Variants in PAX3 observed in about 807,000 individuals in gnomAD.
PAX3 encodes paired box 3.
PAX3 carries 14 observed loss-of-function variants against 51.6 expected under a neutral mutation model. The ratio of observed to expected loss-of-function variants is 0.27; its 90% CI spans 0.18 to 0.42. PAX3 has a LOEUF of 0.42. Ranked by LOEUF, PAX3 falls within the 10% of genes least tolerant of loss-of-function variation. The pLI is 1.00. For synonymous variants in PAX3, 280 were observed against 253.4 expected (o/e 1.11, Z -1.00); for missense variants, 540 against 642.8 (o/e 0.84, Z 1.73).
chr2:222,267,248 T>C (rs1261251894), intron 4 of PAX3, among the ~76,000 whole-genome samples: 2 of 152,162 alleles, frequency 1.3e-5, no homozygotes, highest in Non-Finnish European at 2.9e-5. Flanking sequence ...CAAAAGTTGA[T>C]GAAAATCTGC....
rs16863654 is a variant in PAX3, at chr2:222,289,568, C to T, written c.586+4599G>A. 5.2e-3 allele frequency among the ~76,000 whole-genome samples: 787 copies of T among 152,160 alleles called. 6 individuals are homozygous for T. The highest frequency in any genetic ancestry group is 0.018 in the African/African-American group (750 of 41,498). On this transcript the variant is annotated intron_variant, in intron 4 of 8. Coordinates refer to ENST00000392070, the MANE Select transcript of PAX3 (RefSeq NM_181458.4). Reference sequence around the variant, plus strand: ...AGTAGAAGCCCCTACGTCCTGGTTCCGGTGCTATCAACAATCAAATCAAAC... The same window carrying T: ...AGTAGAAGCCCCTACGTCCTGGTTCTGGTGCTATCAACAATCAAATCAAAC...
intron 4 of PAX3, among the ~76,000 whole-genome samples, chr2:222,251,188 T>C (rs1693417632): frequency 6.6e-6 from 1 of 152,204 alleles, no homozygotes; most frequent in Non-Finnish European, 1.5e-5. Context: ...TGTGCCATGT[T>C]GGTGTGCTGC....
At chr2:222,238,845 T>A (rs530992062) in intron 4 of PAX3, among the ~76,000 whole-genome samples, 3 of 152,234 alleles carry the variant, frequency 2.0e-5, no homozygotes, top group Non-Finnish European at 4.4e-5. Flanking sequence ...TTCACAAGTA[T>A]ATTCCAGAAG....
At chr2:222,228,710 G>A (rs1180807171) in intron 5 of PAX3, among the ~76,000 whole-genome samples, 2 of 152,094 alleles carry the variant, frequency 1.3e-5, no homozygotes, top group Non-Finnish European at 2.9e-5. Flanking sequence ...TGAGGAGGGA[G>A]GATCACTTGA....
At chr2:222,294,895 C>T (rs184390772) in intron 3 of PAX3, among the ~76,000 whole-genome samples, 1 of 150,938 alleles carries the variant, frequency 6.6e-6, no homozygotes, top group Non-Finnish European at 1.5e-5. Flanking sequence ...AAAATGCACT[C>T]TCTCCCACTT....
chr2:222,275,019 G>A (rs1267991892), intron 4 of PAX3, among the ~76,000 whole-genome samples: 1 of 152,184 alleles, frequency 6.6e-6, no homozygotes, highest in African/African-American at 2.4e-5. Context: ...ATGTTAGCTA[G>A]AAGTGAAGTG....
chr2:222,248,033 A>C (rs1693292220), intron 4 of PAX3, among the ~76,000 whole-genome samples: 1 of 152,186 alleles, frequency 6.6e-6, no homozygotes, highest in South Asian at 2.1e-4. Context: ...CTTCACTCTA[A>C]ATATGCATTA....
rs45618740 is a variant in PAX3, at chr2:222,200,751, C to T, written c.*657G>A. 0.011 allele frequency: 2,994 copies of T among 271,922 alleles called. 30 individuals are homozygous for T. The highest frequency in any genetic ancestry group is 0.027 in the Middle Eastern group (24 of 898). The allele number at this position is 271,922 out of a possible 1,614,324, so 16.8% of individuals were successfully genotyped here. On this transcript the variant is annotated 3_prime_UTR_variant, in exon 9 of 9. Coordinates refer to ENST00000392070, the MANE Select transcript of PAX3 (RefSeq NM_181458.4). The stretch of plus-strand genomic sequence containing the variant: ...CCATATCCTGTTAGCAAGACATGTC[C>T]GGGCCATTTATTGACAACTAGATTA...
At chr2:222,298,241 G>A (rs919807231) in intron 1 of PAX3, 12 of 475,814 alleles carry the variant, frequency 2.5e-5, no homozygotes, top group Non-Finnish European at 4.5e-5. Flanking sequence ...TCAGAAGCCG[G>A]TTCACCTCCT....
chr2:222,287,186 C>G (rs1404717194), intron 4 of PAX3, among the ~76,000 whole-genome samples: 2 of 152,156 alleles, frequency 1.3e-5, no homozygotes, highest in Admixed American at 1.3e-4. Flanking sequence ...GTGAATGGGA[C>G]AAAACTATCT....
intron 5 of PAX3, among the ~76,000 whole-genome samples, chr2:222,225,958 A>C (rs1190169830): frequency 1.3e-5 from 2 of 152,158 alleles, no homozygotes; most frequent in African/African-American, 4.8e-5. Context: ...GTTTGACTTG[A>C]ATGGAGGCTT....
In PAX3 at chr2:222,240,178, G is replaced by C. The variant is rs186895104; in HGVS notation, c.587-7895C>G. 1.8e-4 allele frequency among the ~76,000 whole-genome samples: 28 copies of C among 152,274 alleles called. No homozygotes were observed. The East Asian group carries it at 5.0e-3, about 27-fold the overall frequency. Reference sequence around the variant, plus strand: ...ATTGGTTATGAATATGGCCGGCCACGGGGGCAGTACAGGAGGGCCTGGCCG... The same window carrying C: ...ATTGGTTATGAATATGGCCGGCCACCGGGGCAGTACAGGAGGGCCTGGCCG... On this transcript the variant is annotated intron_variant, in intron 4 of 8. Coordinates refer to ENST00000392070, the MANE Select transcript of PAX3 (RefSeq NM_181458.4).
rs1295342225 is a variant in PAX3, at chr2:222,200,590, A to G, written c.*818T>C. 4 of 247,454 alleles carry G rather than the reference A, an allele frequency of 1.6e-5. No homozygotes were observed. Among genetic ancestry groups the G allele is most frequent in the African/African-American group, 8.8e-5 (4 of 45,298 alleles). The allele number at this position is 247,454 out of a possible 1,614,324, so 15.3% of individuals were successfully genotyped here. A position where few individuals can be genotyped will look rare whatever the true frequency, so the allele number is the denominator to read the frequency against. On this transcript the variant is annotated 3_prime_UTR_variant, in exon 9 of 9. Coordinates refer to ENST00000392070, the MANE Select transcript of PAX3 (RefSeq NM_181458.4). ...CAGTATTGCACACTGATAAGCAGATATGTGAATGCATGTCACTTTCTCTCC... is the reference window on the plus strand; with the variant it reads ...CAGTATTGCACACTGATAAGCAGATGTGTGAATGCATGTCACTTTCTCTCC...
At chr2:222,216,723 CACAGAGAG>C (rs961217317) in intron 7 of PAX3, among the ~76,000 whole-genome samples, 27 of 149,258 alleles carry the variant, frequency 1.8e-4, no homozygotes, top group African/African-American at 6.7e-4. Flanking sequence ...CACACACACA[CACAGAGAG>C]AGAGAGAGAG....
chr2:222,202,547 G>A (rs865842437), intron 7 of PAX3, among the ~76,000 whole-genome samples: 1 of 151,946 alleles, frequency 6.6e-6, no homozygotes, highest in Admixed American at 6.6e-5. Flanking sequence ...GGGAGAAATT[G>A]TATCTGTTCA....
intron 4 of PAX3, chr2:222,262,432 C>CACTT (rs1214266702): frequency 6.6e-6 from 1 of 152,076 alleles, no homozygotes; most frequent in Non-Finnish European, 1.5e-5. Flanking sequence ...TAAAACTGAG[C>CACTT]ACTTGCATAG....
intron 4 of PAX3, among the ~76,000 whole-genome samples, chr2:222,282,717 G>C (rs576718636): frequency 6.6e-6 from 1 of 152,044 alleles, no homozygotes; most frequent in Non-Finnish European, 1.5e-5. Context: ...ACTTTTGATC[G>C]TGCCAAACTT....
intron 7 of PAX3, among the ~76,000 whole-genome samples, chr2:222,218,750 C>T (rs535359820): frequency 1.3e-5 from 2 of 152,258 alleles, no homozygotes; most frequent in South Asian, 4.1e-4. Flanking sequence ...CTGTAGGAAG[C>T]ACTTTCATTG....
chr2:222,274,054 G>A (rs1427629930), intron 4 of PAX3, among the ~76,000 whole-genome samples: 2 of 152,124 alleles, frequency 1.3e-5, no homozygotes, highest in African/African-American at 4.8e-5. Context: ...AAGGACTTGT[G>A]AAATAAAATA....
Sources: gnomAD v4.1 joint callset for allele counts (sites outside exome capture counted in the v4.1 genomes callset) on GRCh38, gnomAD v4.1.1 for gene constraint, MANE v1.5 for transcripts, NCBI Gene and HGNC (gene_info 2026-07-23, HGNC 2026-07-21) for gene names.